Variants in RBFOX3 observed in about 807,000 individuals in gnomAD.
RBFOX3 encodes RNA binding protein fox-1 homolog 3.
A neutral mutation model predicts 48.7 loss-of-function variants in RBFOX3; 17 were observed. That is an observed-to-expected ratio of 0.35 (90% CI 0.24 to 0.52). RBFOX3 has a LOEUF of 0.52. Ranked by LOEUF, RBFOX3 falls within the 20% of genes least tolerant of loss-of-function variation. The pLI, the probability that RBFOX3 is intolerant of heterozygous loss-of-function variation, is 0.94. For synonymous variants in RBFOX3, 212 were observed against 209.5 expected (o/e 1.01, Z -0.10); for missense variants, 382 against 497.5 (o/e 0.77, Z 2.21).
chr17:79,408,126 T>TG (rs980360207), intron 2 of RBFOX3, among the ~76,000 whole-genome samples: 2 of 151,520 alleles, frequency 1.3e-5, no homozygotes, highest in African/African-American at 4.9e-5. Context: ...GTCTGTGAAG[T>TG]GGGGGGAGAA....
At chr17:79,336,348 C>T (rs2081186222) in intron 2 of RBFOX3, among the ~76,000 whole-genome samples, 1 of 151,784 alleles carries the variant, frequency 6.6e-6, no homozygotes, top group Non-Finnish European at 1.5e-5. Context: ...GATCGCACCA[C>T]TGCATTCCAG....
chr17:79,194,188 G>T (rs2055081286), intron 4 of RBFOX3, among the ~76,000 whole-genome samples: 1 of 152,206 alleles, frequency 6.6e-6, no homozygotes, highest in South Asian at 2.1e-4. Context: ...TGGTAGAAAT[G>T]GACTTTGCCT....
intron 4 of RBFOX3, among the ~76,000 whole-genome samples, chr17:79,210,909 G>A (rs1188748347): frequency 1.3e-5 from 2 of 151,722 alleles, no homozygotes; most frequent in Non-Finnish European, 2.9e-5. Flanking sequence ...CTCTGCAGAG[G>A]GATGGGCCAC....
intron 2 of RBFOX3, among the ~76,000 whole-genome samples, chr17:79,347,922 G>C (rs533839392): frequency 3.9e-5 from 6 of 152,324 alleles, no homozygotes; most frequent in South Asian, 4.1e-4. Flanking sequence ...TCCAGTGGAA[G>C]TCTGCTACTC....
chr17:79,224,094 A>C (rs1471294265), intron 4 of RBFOX3, among the ~76,000 whole-genome samples: 2 of 152,112 alleles, frequency 1.3e-5, no homozygotes, highest in Non-Finnish European at 1.5e-5. Context: ...TTCTTTCCCA[A>C]ACAGTAACAT....
At chr17:79,128,574 A>G (rs1244712994) in intron 4 of RBFOX3, among the ~76,000 whole-genome samples, 1 of 152,256 alleles carries the variant, frequency 6.6e-6, no homozygotes, top group East Asian at 1.9e-4. Context: ...CCTAACTCCA[A>G]GGTCTGTGGT....
chr17:79,125,498 G>T (rs1405824155), intron 4 of RBFOX3, among the ~76,000 whole-genome samples: 4 of 152,246 alleles, frequency 2.6e-5, no homozygotes, highest in Non-Finnish European at 5.9e-5. Flanking sequence ...GTGCTCTCCG[G>T]TCCTGCCTGG....
intron 2 of RBFOX3, among the ~76,000 whole-genome samples, chr17:79,341,910 G>T (rs895749735): frequency 1.3e-5 from 2 of 152,250 alleles, no homozygotes; most frequent in South Asian, 4.1e-4. Context: ...CAGGTGATGC[G>T]CTAATGTGAA....
At position 79,361,116 on chromosome 17, in the gene RBFOX3, T is replaced by C. The variant is rs2086261033; in HGVS notation, c.-174-53292A>G. ...CTCCTAAGTCAAGAAAGACACACAT[T>C]TGGCTCCAAAGGTTTGAAAGAGGGT... On this transcript the variant is annotated intron_variant, in intron 2 of 14. Transcript: ENST00000693108. The surrounding 1 kb of genome is among the most constrained non-coding windows in gnomAD (Gnocchi z 4.5). Among the ~76,000 whole-genome samples, 1 of 152,068 alleles carries C rather than the reference T, an allele frequency of 6.6e-6. No individual in the cohort carries two copies. Among genetic ancestry groups the C allele is most frequent in the South Asian group, 2.1e-4 (1 of 4,820 alleles).
intron 2 of RBFOX3, among the ~76,000 whole-genome samples, chr17:79,444,190 T>C (rs1365665533): frequency 2.6e-5 from 4 of 152,146 alleles, no homozygotes; most frequent in Non-Finnish European, 4.4e-5. Context: ...AGGAGGGGGC[T>C]GCAGACCGGA....
At chr17:79,398,788 C>T (rs2062391607) in intron 2 of RBFOX3, among the ~76,000 whole-genome samples, 1 of 152,202 alleles carries the variant, frequency 6.6e-6, no homozygotes, top group Non-Finnish European at 1.5e-5. Flanking sequence ...ACGAGTCTGA[C>T]CACTTTTCAC....
intron 2 of RBFOX3, among the ~76,000 whole-genome samples, chr17:79,376,820 C>T (rs902107273): frequency 6.6e-5 from 10 of 152,122 alleles, no homozygotes; most frequent in Non-Finnish European, 1.0e-4. Flanking sequence ...GTGGAGACAT[C>T]GTGAGCACAA....
intron 1 of RBFOX3, among the ~76,000 whole-genome samples, chr17:79,580,303 T>C (rs1466802031): frequency 7.8e-6 from 1 of 128,690 alleles, no homozygotes; most frequent in Non-Finnish European, 1.6e-5. Flanking sequence ...CTCCTCCTTC[T>C]TCTCCTCCCT....
intron 8 of RBFOX3, among the ~76,000 whole-genome samples, chr17:79,101,935 A>G (rs749211271): frequency 6.6e-5 from 10 of 152,184 alleles, no homozygotes; most frequent in Non-Finnish European, 4.4e-5. Context: ...CAGCTGGAGC[A>G]GCTCCCTGGT....
At chr17:79,612,601 C>T (rs1041673484), upstream of RBFOX3, among the ~76,000 whole-genome samples, 20 of 152,196 alleles carry the variant, frequency 1.3e-4, no homozygotes, top group Admixed American at 3.3e-4. Flanking sequence ...CGGTGGGAAT[C>T]GTGTTATACA....
intron 9 of RBFOX3, 22 bp downstream of exon 9, chr17:79,101,562 G>A: frequency 1.3e-6 from 2 of 1,547,030 alleles, no homozygotes; most frequent in South Asian, 1.2e-5. Flanking sequence ...CAGCAGCCTT[G>A]TGGGGGGACC....
At chr17:79,577,275 T>C (rs2092895454) in intron 1 of RBFOX3, among the ~76,000 whole-genome samples, 1 of 152,124 alleles carries the variant, frequency 6.6e-6, no homozygotes. Flanking sequence ...AGTAAGACAT[T>C]GGAGAACCTG....
chr17:79,359,488 C>T (rs1305907416), intron 2 of RBFOX3, among the ~76,000 whole-genome samples: 2 of 152,222 alleles, frequency 1.3e-5, no homozygotes, highest in Non-Finnish European at 1.5e-5. Context: ...GAAGGTGAGG[C>T]ATAGCCTTCG....
At chr17:79,292,280 C>T (rs1390347379) in intron 3 of RBFOX3, among the ~76,000 whole-genome samples, 1 of 152,006 alleles carries the variant, frequency 6.6e-6, no homozygotes, top group East Asian at 1.9e-4. Context: ...AAATCCCACT[C>T]GTGTGCATCT....
Sources: allele counts gnomAD v4.1 joint callset (sites outside exome capture counted in the v4.1 genomes callset), GRCh38; gene constraint gnomAD v4.1.1; non-coding constraint Gnocchi (gnomAD v3.1); transcripts MANE v1.5; gene names NCBI Gene and HGNC (gene_info 2026-07-23, HGNC 2026-07-21).